CENPE: variants seen among roughly 807,000 people sequenced by gnomAD.
The protein encoded by CENPE is centromere protein E.
In CENPE, 145 loss-of-function variants were observed where a neutral mutation model predicts 336.1. The observed-to-expected ratio is 0.43, with a 90% CI of 0.38 to 0.50. CENPE has a LOEUF of 0.50. CENPE is among the 20% of genes least tolerant of loss of function. The pLI, the probability that CENPE is intolerant of heterozygous loss-of-function variation, is 0.00. For synonymous variants in CENPE, 1,013 were observed against 984.8 expected (o/e 1.03, Z -0.54); for missense variants, 2,719 against 3,023.3 (o/e 0.90, Z 2.36).
chr4:103,163,491 A>G lies in CENPE; in HGVS notation c.1710T>C (p.Asn570=). The G allele has an allele frequency of 6.3e-7, 1 of 1,594,404 alleles. No individual in the cohort carries two copies. The highest frequency in any genetic ancestry group is 8.5e-7 in the Non-Finnish European group (1 of 1,170,462). ...CATGAATGCTCACCTCAAGATCTTG[A>G]TTATATACTTCTGCATGCTTAACTA... is the stretch of plus-strand genomic sequence containing the variant. ...KNLVKHAEVY[N]QDLENELSSK... Residue 570 remains asparagine, a synonymous_variant, in exon 17 of 49, where the codon AAT becomes AAC. Transcript: ENST00000265148.
chr4:103,184,453 A>G (rs1433007505), intron 9 of CENPE, among the ~76,000 whole-genome samples: 1 of 152,210 alleles, frequency 6.6e-6, no homozygotes, highest in African/African-American at 2.4e-5. Context: ...GGGTTTTCCC[A>G]CTGTAAGTTG....
intron 26 of CENPE, among the ~76,000 whole-genome samples, chr4:103,150,959 T>C (rs1338684528): frequency 2.0e-5 from 3 of 152,234 alleles, no homozygotes; most frequent in Admixed American, 6.5e-5. Flanking sequence ...CAATAAATAT[T>C]TGATGAATGA....
intron 44 of CENPE, among the ~76,000 whole-genome samples, chr4:103,118,507 T>C (rs1331288682): frequency 6.6e-6 from 1 of 152,232 alleles, no homozygotes; most frequent in East Asian, 1.9e-4. Context: ...TGACAGTGTC[T>C]TTTGTAAAGC....
chr4:103,113,531 A>C (rs1253157171), intron 46 of CENPE, among the ~76,000 whole-genome samples: 1 of 140,280 alleles, frequency 7.1e-6, no homozygotes, highest in East Asian at 2.0e-4. Context: ...ATTATATATA[A>C]TATATAACTT....
At chr4:103,185,914 A>T (rs956846562) in intron 8 of CENPE, 53 bp from the exon 9 acceptor site, 1 of 1,222,726 alleles carries the variant, frequency 8.2e-7, no homozygotes, top group Admixed American at 1.9e-5. Flanking sequence ...AAATAATAAA[A>T]TTCAAACTAC....
intron 39 of CENPE, 127 bp from the exon 40 acceptor site, chr4:103,136,486 T>C: frequency 1.8e-6 from 1 of 570,758 alleles, no homozygotes; most frequent in Non-Finnish European, 2.9e-6. Context: ...ATAAAGACCT[T>C]TGTGTCTAAA....
Position 103,140,338 on chromosome 4 carries a change from C to G in CENPE, c.5831G>C (p.Arg1944Thr), listed in dbSNP as rs1265617413. The G allele has an allele frequency of 3.1e-6, 5 of 1,606,498 alleles. No homozygotes were observed. Among genetic ancestry groups the G allele is most frequent in the Non-Finnish European group, 4.3e-6 (5 of 1,175,908 alleles). ...AATTGTCTTTTCTGAAATTTTTTCT[C>G]TAAGTTTATCAACAGTTTCTTTGTG... Reference protein sequence around the residue: ...KEHKETVDKLREKISEKTIQI... With the variant: ...KEHKETVDKLTEKISEKTIQI... Residue 1944 changes from arginine to threonine, a missense_variant, in exon 37 of 49, where the codon AGA becomes ACA. Physicochemically the swap from Arg to Thr is moderately conservative, Grantham distance 71. Around this residue, in one of 5 missense-constraint regions of CENPE, gnomAD observed 2,437 missense variants for 2,513.3 expected, o/e 0.97. Transcript: ENST00000265148.
Position 103,147,361 on chromosome 4 carries a change from C to T in CENPE, c.4129G>A (p.Ala1377Thr), listed in dbSNP as rs762558075. The T allele has an allele frequency of 6.3e-6, 10 of 1,592,740 alleles. No homozygotes were observed. Among genetic ancestry groups the T allele is most frequent in the Non-Finnish European group, 8.5e-6 (10 of 1,173,614 alleles). ...QLKEHIRETLAKIQESQSKQE... is the reference protein window; with the variant it reads ...QLKEHIRETLTKIQESQSKQE... The stretch of plus-strand genomic sequence containing the variant: ...GAGGAAAATACGAAACTTACTTTAG[C>T]CAAAGTTTCTCTAATATGTTCTTTC... Residue 1377 changes from alanine (A) to threonine (T), a missense_variant, in exon 29 of 49, where the codon GCT (alanine) becomes ACT (threonine). Coordinates refer to ENST00000265148, the MANE Select transcript of CENPE (RefSeq NM_001813.3).
chr4:103,187,089 G>C (rs946467059), intron 8 of CENPE, among the ~76,000 whole-genome samples: 2 of 152,122 alleles, frequency 1.3e-5, no homozygotes, highest in Non-Finnish European at 2.9e-5. Context: ...CCATTGCAGG[G>C]CTTTATGCAA....
At chr4:103,133,467 A>G (rs557510775) in intron 41 of CENPE, among the ~76,000 whole-genome samples, 6 of 152,294 alleles carry the variant, frequency 3.9e-5, no homozygotes, top group African/African-American at 1.4e-4. Context: ...AGTTGTTGTA[A>G]TAAAGCGGTT....
Position 103,141,834 on chromosome 4 carries a change from G to A in CENPE, c.5379C>T (p.Leu1793=). ...LKEQQETIDK[L]RGIVSEKTDK... is the part of the protein sequence containing the mutation. ...CTGTCTTCTCAGAAACAATTCCTCT[G>A]AGTTTGTCAATAGTTTCCTGCTGCT... Residue 1793 remains leucine (L), a synonymous_variant, in exon 35 of 49, where the codon CTC becomes CTT. Transcript: ENST00000265148. 6.3e-7 allele frequency: 1 copy of A among 1,594,752 alleles called. No homozygotes were observed. Among genetic ancestry groups the A allele is most frequent in the Non-Finnish European group, 8.6e-7 (1 of 1,165,472 alleles).
At position 103,148,997 on chromosome 4, in the gene CENPE, G is replaced by A. The variant is rs761003546; in HGVS notation, c.3690C>T (p.Gly1230=). ...TTTTTAGTTCTTCTTTGGTTTGTAGGCCCTTGGCGAGTGAAATTTAAAGAA... is the reference window on the plus strand; with the variant it reads ...TTTTTAGTTCTTCTTTGGTTTGTAGACCCTTGGCGAGTGAAATTTAAAGAA... The part of the protein sequence containing the change: ...RGYIREIEAT[G]LQTKEELKIA... Residue 1230 remains glycine, a splice_region_variant and synonymous_variant, in exon 28 of 49, where the codon GGC becomes GGT. Coordinates refer to ENST00000265148, the MANE Select transcript of CENPE (RefSeq NM_001813.3). The A allele has an allele frequency of 3.7e-6, 6 of 1,608,520 alleles. No homozygotes were observed. Among genetic ancestry groups the A allele is most frequent in the Non-Finnish European group, 5.1e-6 (6 of 1,178,798 alleles).
intron 33 of CENPE, 69 bp downstream of exon 33, chr4:103,144,262 C>A: frequency 1.4e-6 from 2 of 1,390,516 alleles, no homozygotes; most frequent in Non-Finnish European, 2.0e-6. Flanking sequence ...TCCCACCAAC[C>A]CTATGGCAGA....
chr4:103,147,745 G>T, intron 28 of CENPE, 99 bp from the exon 29 acceptor site: 1 of 998,922 alleles, frequency 1.0e-6, no homozygotes, highest in East Asian at 2.5e-5. Context: ...CCAGGTGGGA[G>T]TGCAGTGGCG....
intron 46 of CENPE, among the ~76,000 whole-genome samples, chr4:103,113,368 CTA>C (rs1160072967): frequency 7.1e-6 from 1 of 140,810 alleles, no homozygotes. Flanking sequence ...ATATATACTT[CTA>C]TAGACTTATA....
At chr4:103,164,072 C>T (rs969259966) in intron 16 of CENPE, among the ~76,000 whole-genome samples, 3 of 152,026 alleles carry the variant, frequency 2.0e-5, no homozygotes, top group Admixed American at 6.5e-5. Context: ...CATGCAGTGC[C>T]TTTACAATAT....
intron 18 of CENPE, 143 bp downstream of exon 18, chr4:103,162,994 G>T: frequency 1.8e-6 from 1 of 559,258 alleles, no homozygotes; most frequent in Middle Eastern, 5.4e-4. Flanking sequence ...ATCTCATAGG[G>T]TTATTGACAG....
chr4:103,127,142 A>C (rs965943212), intron 42 of CENPE, among the ~76,000 whole-genome samples: 3 of 151,456 alleles, frequency 2.0e-5, no homozygotes, highest in Admixed American at 2.0e-4. Flanking sequence ...AAAACCCCCA[A>C]AAACAAAAAA....
chr4:103,166,654 A>G (rs1054726674), intron 16 of CENPE, among the ~76,000 whole-genome samples: 1 of 152,226 alleles, frequency 6.6e-6, no homozygotes, highest in Non-Finnish European at 1.5e-5. Context: ...GATATCGAGG[A>G]AAAAGGGTCA....
Sources: allele counts gnomAD v4.1 joint callset (sites outside exome capture counted in the v4.1 genomes callset), GRCh38; gene constraint gnomAD v4.1.1; regional missense constraint gnomAD v4.1.1; transcripts MANE v1.5; gene names NCBI Gene and HGNC (gene_info 2026-07-23, HGNC 2026-07-21).